RNF168: variants seen among roughly 807,000 people sequenced by gnomAD.
RNF168 encodes E3 ubiquitin-protein ligase RNF168.
Under a neutral mutation model 34.9 loss-of-function variants are expected in RNF168, and 34 were observed. The observed-to-expected ratio is 0.97, with a 90% CI of 0.74 to 1.30. RNF168 has a LOEUF of 1.30. Ranked by LOEUF, RNF168 falls within the 50% of genes most tolerant of loss-of-function variation. The pLI, the probability that RNF168 is intolerant of heterozygous loss-of-function variation, is 0.00. For synonymous variants in RNF168, 264 were observed against 254.7 expected, an observed-to-expected ratio of 1.04 and a Z score of -0.35; for missense variants, 725 against 682.5, an observed-to-expected ratio of 1.06 and a Z score of -0.69.
At chr3:196,484,110 AG>A (rs1732360276) in intron 3 of RNF168, among the ~76,000 whole-genome samples, 1 of 152,118 alleles carries the variant, frequency 6.6e-6, no homozygotes, top group African/African-American at 2.4e-5. Context: ...CTGTACATCA[AG>A]CACAAAATAA....
At chr3:196,475,039 G>T (rs983895282) in intron 5 of RNF168, 192 bp downstream of exon 5, 1 of 564,838 alleles carries the variant, frequency 1.8e-6, no homozygotes, top group Non-Finnish European at 3.2e-6. Context: ...GCTTTTTGTA[G>T]TATGTTTATT....
chr3:196,484,472 CCTTTTTTTTT>C (rs1436771458), intron 3 of RNF168, among the ~76,000 whole-genome samples: 2 of 114,602 alleles, frequency 1.7e-5, no homozygotes, highest in African/African-American at 3.8e-5. Context: ...CCGCGCCCGG[CCTTTTTTTTT>C]TTTTTTTTTT....
At chr3:196,483,529 G>A (rs1018214687) in intron 4 of RNF168, among the ~76,000 whole-genome samples, 3 of 152,196 alleles carry the variant, frequency 2.0e-5, no homozygotes, top group African/African-American at 7.2e-5. Flanking sequence ...TTCACTTTGA[G>A]AAAACTGGAA....
chr3:196,498,505 C>CA (rs919689831), intron 1 of RNF168, among the ~76,000 whole-genome samples: 2 of 151,772 alleles, frequency 1.3e-5, no homozygotes, highest in African/African-American at 2.4e-5. Flanking sequence ...AGTATTTAAC[C>CA]AAAAAAACCC....
intron 4 of RNF168, among the ~76,000 whole-genome samples, chr3:196,478,370 AAT>A (rs1385102035): frequency 6.6e-6 from 1 of 152,184 alleles, no homozygotes; most frequent in Non-Finnish European, 1.5e-5. Flanking sequence ...CAACTGTTCA[AAT>A]CATGTTCAAA....
intron 4 of RNF168, chr3:196,475,538 T>C (rs972501969): frequency 2.1e-6 from 1 of 475,166 alleles, no homozygotes; most frequent in Non-Finnish European, 3.8e-6. Flanking sequence ...AAAAGTCAAA[T>C]CTAAATATTT....
chr3:196,492,633 C>T (rs1051024490), intron 1 of RNF168, among the ~76,000 whole-genome samples: 1 of 152,026 alleles, frequency 6.6e-6, no homozygotes, highest in African/African-American at 2.4e-5. Flanking sequence ...CAAAAATTAG[C>T]CACGTGTGGT....
In RNF168 at chr3:196,482,550, A is replaced by C. The variant is rs1036497380; in HGVS notation, c.680+1220T>G. 2.6e-5 allele frequency among the ~76,000 whole-genome samples: 4 copies of C among 152,204 alleles called. No homozygotes were observed. In the East Asian group the frequency reaches 5.8e-4, roughly 22 times the overall value. On this transcript the variant is annotated intron_variant, in intron 4 of 5. Transcript: ENST00000318037. ...TTTTCTGCAGCCACGATACCACTTT[A>C]CATTCCTACCAAGCAATGCGCAAGG...
chr3:196,490,909 T>A (rs953027792), intron 1 of RNF168, among the ~76,000 whole-genome samples: 1 of 152,254 alleles, frequency 6.6e-6, no homozygotes, highest in African/African-American at 2.4e-5. Context: ...GATAATCAGC[T>A]GGCTTAAACT....
chr3:196,498,058 A>G (rs1732787696), intron 1 of RNF168, among the ~76,000 whole-genome samples: 1 of 152,232 alleles, frequency 6.6e-6, no homozygotes, highest in Non-Finnish European at 1.5e-5. Flanking sequence ...CTAAAAAGAC[A>G]GATAACATCA....
At chr3:196,491,401 C>A (rs1212229593) in intron 1 of RNF168, among the ~76,000 whole-genome samples, 1 of 152,064 alleles carries the variant, frequency 6.6e-6, no homozygotes, top group Non-Finnish European at 1.5e-5. Flanking sequence ...GTAATCACAG[C>A]ATTTTGGGAG....
In RNF168 at chr3:196,475,092, T is replaced by C. The variant is rs59624938; in HGVS notation, c.762+139A>G. 6.2e-3 allele frequency: 3,925 copies of C among 636,408 alleles called. 143 individuals carry two copies. The African/African-American group carries it at 0.066, about 11-fold the overall frequency. 39.4% of individuals were successfully genotyped at this position (636,408 alleles called of 1,614,324 possible). Reference sequence around the variant, plus strand: ...CTTTGGAGAAAAAGTGCTTTTTCTCTAGGTGAGCCTAAGAGGACTCAGACA... The same window carrying C: ...CTTTGGAGAAAAAGTGCTTTTTCTCCAGGTGAGCCTAAGAGGACTCAGACA... On this transcript the variant is annotated intron_variant, in intron 5 of 5. Transcript: ENST00000318037.
intron 4 of RNF168, among the ~76,000 whole-genome samples, chr3:196,475,963 G>A (rs953739554): frequency 4.0e-5 from 6 of 150,194 alleles, no homozygotes; most frequent in Admixed American, 1.3e-4. Context: ...GGGTTTAAGC[G>A]ATTTTTCTGC....
At position 196,503,431 on chromosome 3, in the gene RNF168, G is replaced by A. The variant is rs1416588562; in HGVS notation, c.-258C>T. 3 of 499,096 alleles carry A rather than the reference G, an allele frequency of 6.0e-6. No homozygotes were observed. The highest frequency in any genetic ancestry group is 7.6e-5 in the East Asian group (2 of 26,408). 30.9% of individuals were successfully genotyped at this position (499,096 alleles called of 1,614,324 possible). A position where few individuals can be genotyped will look rare whatever the true frequency, so the allele number is the denominator to read the frequency against. ...AACGTCCCGCCAGCAAATAAATGCA[G>A]GTTTTCGTCGGAGGAGCCTGGCTGC... On this transcript the variant is annotated 5_prime_UTR_variant, in exon 1 of 6. Transcript: ENST00000318037.
intron 4 of RNF168, among the ~76,000 whole-genome samples, chr3:196,480,786 G>A (rs1732267642): frequency 6.6e-6 from 1 of 152,086 alleles, no homozygotes; most frequent in Non-Finnish European, 1.5e-5. Context: ...GGGACTACAG[G>A]TGTGCATCAT....
At chr3:196,498,459 AT>A (rs1233481798) in intron 1 of RNF168, among the ~76,000 whole-genome samples, 2 of 152,140 alleles carry the variant, frequency 1.3e-5, no homozygotes, top group Non-Finnish European at 2.9e-5. Context: ...TTATAAAAAT[AT>A]GTACCTATTC....
intron 1 of RNF168, among the ~76,000 whole-genome samples, chr3:196,499,767 G>T (rs117113611): frequency 5.9e-5 from 9 of 152,184 alleles, no homozygotes; most frequent in Non-Finnish European, 1.0e-4. Context: ...CTGATTAAAT[G>T]ACAGGCAAAG....
intron 1 of RNF168, among the ~76,000 whole-genome samples, chr3:196,495,188 T>C (rs1732710941): frequency 1.3e-5 from 2 of 152,090 alleles, no homozygotes; most frequent in South Asian, 4.1e-4. Context: ...TGTGTGTGTG[T>C]GTGTATTTTC....
At chr3:196,491,313 AAAAC>A (rs901115431) in intron 1 of RNF168, among the ~76,000 whole-genome samples, 17 of 148,440 alleles carry the variant, frequency 1.1e-4, no homozygotes, top group Non-Finnish European at 1.9e-4. Flanking sequence ...ATTCCGTCTC[AAAAC>A]AAACAAACAA....
Sources: gnomAD v4.1 joint callset for allele counts (sites outside exome capture counted in the v4.1 genomes callset) on GRCh38, gnomAD v4.1.1 for gene constraint, MANE v1.5 for transcripts, NCBI Gene and HGNC (gene_info 2026-07-23, HGNC 2026-07-21) for gene names.